IQCJ: variants seen among roughly 807,000 people sequenced by gnomAD.
The protein encoded by IQCJ is IQ motif containing J, also known as IQ domain-containing protein J.
IQCJ carries 9 observed loss-of-function variants against 11.0 expected under a neutral mutation model. The ratio of observed to expected loss-of-function variants is 0.82; its 90% CI spans 0.49 to 1.43. IQCJ has a LOEUF of 1.43. IQCJ is among the 40% of genes most tolerant of loss of function. The pLI is 0.00. For missense variants in IQCJ, 146 were observed against 133.2 expected (o/e 1.10, Z -0.47); for synonymous variants, 55 against 51.3 (o/e 1.07, Z -0.31).
At chr3:159,141,331 A>T (rs779883742) in intron 1 of IQCJ, among the ~76,000 whole-genome samples, 77 of 152,324 alleles carry the variant, frequency 5.1e-4, no homozygotes, top group Non-Finnish European at 4.1e-4. Context: ...GTGAATGATA[A>T]GATTGAACAG....
intron 1 of IQCJ, among the ~76,000 whole-genome samples, chr3:159,160,662 C>A (rs998319979): frequency 6.6e-6 from 1 of 151,094 alleles, no homozygotes; most frequent in Non-Finnish European, 1.5e-5. Flanking sequence ...AGGTATATCT[C>A]CTAAAGCTAT....
intron 1 of IQCJ, among the ~76,000 whole-genome samples, chr3:159,154,801 C>A (rs1341035260): frequency 6.6e-6 from 1 of 152,166 alleles, no homozygotes; most frequent in Admixed American, 6.5e-5. Flanking sequence ...TCTGGTGTCA[C>A]CCCTGTAGCC....
chr3:159,214,915 C>A (rs1452316149), intron 1 of IQCJ, among the ~76,000 whole-genome samples: 1 of 152,202 alleles, frequency 6.6e-6, no homozygotes, highest in Non-Finnish European at 1.5e-5. Flanking sequence ...TATTGTTACC[C>A]CCTTTCAGTC....
intron 1 of IQCJ, among the ~76,000 whole-genome samples, chr3:159,171,539 G>A (rs9290034): frequency 0.39 from 58,812 of 151,960 alleles, 12,496 homozygotes; most frequent in South Asian, 0.56. Flanking sequence ...AGAATCATGC[G>A]TCAATCAGCC....
chr3:159,258,767 T>C (rs1489828118), intron 3 of IQCJ, among the ~76,000 whole-genome samples: 1 of 152,176 alleles, frequency 6.6e-6, no homozygotes, highest in Non-Finnish European at 1.5e-5. Flanking sequence ...CTTGAAAAGT[T>C]GAAACCAATT....
At chr3:159,183,283 T>A (rs1462296789) in intron 1 of IQCJ, among the ~76,000 whole-genome samples, 2 of 152,214 alleles carry the variant, frequency 1.3e-5, no homozygotes, top group Non-Finnish European at 2.9e-5. Context: ...TTTAAATAAT[T>A]ATGATGAGTA....
intron 1 of IQCJ, among the ~76,000 whole-genome samples, chr3:159,126,168 A>G (rs1181661658): frequency 6.6e-6 from 1 of 152,192 alleles, no homozygotes; most frequent in African/African-American, 2.4e-5. Context: ...GTCAGAGTGG[A>G]GGAGCATGTG....
intron 1 of IQCJ, among the ~76,000 whole-genome samples, chr3:159,111,517 T>C (rs931740219): frequency 2.0e-5 from 3 of 152,178 alleles, no homozygotes; most frequent in Non-Finnish European, 4.4e-5. Context: ...GTTCTGATGA[T>C]AGTCTGCAGC....
chr3:159,160,540 T>C (rs188232794), intron 1 of IQCJ, among the ~76,000 whole-genome samples: 9 of 151,814 alleles, frequency 5.9e-5, no homozygotes, highest in African/African-American at 2.2e-4. Context: ...TTTTATTTTA[T>C]TATTATTATA....
intron 1 of IQCJ, among the ~76,000 whole-genome samples, chr3:159,159,054 G>A (rs1319913274): frequency 6.6e-6 from 1 of 152,176 alleles, no homozygotes; most frequent in East Asian, 1.9e-4. Flanking sequence ...GGTCAAGAGG[G>A]GAGAGCATGG....
At chr3:159,162,869 C>T in intron 1 of IQCJ, among the ~76,000 whole-genome samples, 1 of 152,090 alleles carries the variant, frequency 6.6e-6, no homozygotes, top group Non-Finnish European at 1.5e-5. Flanking sequence ...CAAGACTAAA[C>T]CAGGAAGAAG....
At chr3:159,086,847 A>G (rs1329620997) in intron 1 of IQCJ, among the ~76,000 whole-genome samples, 2 of 152,176 alleles carry the variant, frequency 1.3e-5, no homozygotes, top group African/African-American at 4.8e-5. Flanking sequence ...TAGATATACA[A>G]TCATGTCATC....
At chr3:159,128,564 A>G (rs564021480) in intron 1 of IQCJ, among the ~76,000 whole-genome samples, 2 of 152,276 alleles carry the variant, frequency 1.3e-5, no homozygotes, top group South Asian at 4.1e-4. Flanking sequence ...CACTTTTTGT[A>G]GTGCTGATAC....
chr3:159,163,890 A>C (rs77634587), intron 1 of IQCJ, among the ~76,000 whole-genome samples: 3,248 of 152,268 alleles, frequency 0.021, 84 homozygotes, highest in African/African-American at 0.074. Flanking sequence ...ATCAGGCCTC[A>C]TTCTCTGCAT....
intron 1 of IQCJ, among the ~76,000 whole-genome samples, chr3:159,072,323 G>T (rs536551532): frequency 6.6e-6 from 1 of 151,986 alleles, no homozygotes; most frequent in Non-Finnish European, 1.5e-5. Context: ...TCAACCAAGC[G>T]GGGGAGGAGG....
At chr3:159,206,036 T>C (rs1724639514) in intron 1 of IQCJ, among the ~76,000 whole-genome samples, 2 of 152,170 alleles carry the variant, frequency 1.3e-5, no homozygotes, top group African/African-American at 2.4e-5. Context: ...ATCTTCTCTA[T>C]TCTTTGCTTC....
chr3:159,190,121 G>A (rs996330862), intron 1 of IQCJ, among the ~76,000 whole-genome samples: 1 of 152,148 alleles, frequency 6.6e-6, no homozygotes, highest in Non-Finnish European at 1.5e-5. Flanking sequence ...ATACGTGGCT[G>A]GCCCTAAGTA....
At chr3:159,170,824 C>T (rs1722447481) in intron 1 of IQCJ, among the ~76,000 whole-genome samples, 2 of 152,134 alleles carry the variant, frequency 1.3e-5, no homozygotes, top group Non-Finnish European at 2.9e-5. Context: ...GGATTCCTTT[C>T]TCATAGCCCA....
intron 1 of IQCJ, among the ~76,000 whole-genome samples, chr3:159,211,203 C>G (rs986504177): frequency 2.0e-5 from 3 of 152,050 alleles, no homozygotes; most frequent in South Asian, 2.1e-4. Flanking sequence ...AAAAAATGAT[C>G]GTTTCTGGGT....
Sources: allele counts gnomAD v4.1 joint callset (sites outside exome capture counted in the v4.1 genomes callset), GRCh38; gene constraint gnomAD v4.1.1; transcripts MANE v1.5; gene names NCBI Gene and HGNC (gene_info 2026-07-23, HGNC 2026-07-21).